The following TGFBR2 variants were observed in gnomAD, a reference collection of about 807,000 sequenced individuals.
TGFBR2 encodes the protein TGF-beta receptor type-2.
A neutral mutation model predicts 49.0 loss-of-function variants in TGFBR2; 18 were observed. The ratio of observed to expected loss-of-function variants is 0.37; its 90% confidence interval spans 0.25 to 0.54. The LOEUF (loss-of-function observed/expected upper bound fraction) is 0.54. Among genes scored for constraint, TGFBR2 ranks in the 20% least tolerant of loss-of-function variants. The pLI is 0.85. For missense variants in TGFBR2, 525 were observed against 722.6 expected (o/e 0.73, Z 3.13); for synonymous variants, 282 against 275.9 (o/e 1.02, Z -0.22).
intron 1 of TGFBR2, among the ~76,000 whole-genome samples, chr3:30,619,370 G>A (rs1698188234): frequency 6.6e-6 from 1 of 152,122 alleles, no homozygotes; most frequent in African/African-American, 2.4e-5. Context: ...CCCCCAGATG[G>A]CATTTTGAAT....
intron 3 of TGFBR2, among the ~76,000 whole-genome samples, chr3:30,666,144 C>A (rs2125427587): frequency 6.6e-6 from 1 of 152,258 alleles, no homozygotes; most frequent in East Asian, 1.9e-4. Context: ...ACCCACTGAA[C>A]TCTATTTATG....
intron 1 of TGFBR2, among the ~76,000 whole-genome samples, chr3:30,622,658 G>A (rs1009651834): frequency 6.6e-6 from 1 of 152,038 alleles, no homozygotes; most frequent in Non-Finnish European, 1.5e-5. Flanking sequence ...GAGGCAGGCG[G>A]ATCACGAGGT....
At chr3:30,660,761 T>C (rs778478185) in intron 3 of TGFBR2, among the ~76,000 whole-genome samples, 40 of 152,376 alleles carry the variant, frequency 2.6e-4, no homozygotes, top group Non-Finnish European at 5.1e-4. Context: ...AATAGGCATC[T>C]TAGCTTTTAA....
At chr3:30,657,385 G>A (rs780222502) in intron 3 of TGFBR2, among the ~76,000 whole-genome samples, 3 of 152,134 alleles carry the variant, frequency 2.0e-5, no homozygotes, top group Non-Finnish European at 2.9e-5. Flanking sequence ...GTGTATAAAC[G>A]ATGGCCAGTA....
Position 30,692,676 on chromosome 3 carries a change from C to T in TGFBR2, c.*1077C>T, listed in dbSNP as rs1168533588. 4.3e-6 allele frequency: 1 copy of T among 233,122 alleles called. No homozygotes were observed. The highest frequency in any genetic ancestry group is 8.5e-6 in the Non-Finnish European group (1 of 117,952). The allele number at this position is 233,122 out of a possible 1,614,324, so 14.4% of individuals were successfully genotyped here. On this transcript the variant is annotated 3_prime_UTR_variant, in exon 7 of 7. Coordinates refer to ENST00000295754, the MANE Select transcript of TGFBR2 (RefSeq NM_003242.6). ...CCATCTTTCTGGGCTCCTGATTGCT[C>T]AAGCACAGTTTGGCCTGATGAAGAG...
At chr3:30,623,177 A>G in intron 1 of TGFBR2, 1 of 1,296,046 alleles carries the variant, frequency 7.7e-7, no homozygotes, top group Non-Finnish European at 1.1e-6. Flanking sequence ...TCTGAGATGG[A>G]TATAATTATC....
At chr3:30,685,592 G>A (rs73054847) in intron 5 of TGFBR2, among the ~76,000 whole-genome samples, 18,708 of 152,264 alleles carry the variant, frequency 0.12, 1,295 homozygotes, top group East Asian at 0.32. Flanking sequence ...GCTCTGGAGA[G>A]TGTGAATTGC....
rs542999274 is a variant in TGFBR2, at chr3:30,678,140, C to G, written c.1396+3894C>G. Among the ~76,000 whole-genome samples the G allele has an allele frequency of 2.0e-5, 3 of 152,262 alleles. No homozygotes were observed. In the South Asian group the frequency reaches 6.2e-4, roughly 32 times the overall value. On this transcript the variant is annotated intron_variant, in intron 5 of 6. Coordinates refer to ENST00000295754, the MANE Select transcript of TGFBR2 (RefSeq NM_003242.6). ...TCTCCAGAGTCATCTTCTCTGTAGG[C>G]TCTGAGTCTGTGTGCTTGTGGGATC...
chr3:30,627,362 C>T (rs1176899601), intron 1 of TGFBR2, among the ~76,000 whole-genome samples: 2 of 152,070 alleles, frequency 1.3e-5, no homozygotes, highest in Non-Finnish European at 2.9e-5. Context: ...ACTCAAGTTT[C>T]AATTGAGCTG....
rs570746611 is a variant in TGFBR2, at chr3:30,617,023, T to C, written c.94+10046T>C. On this transcript the variant is annotated intron_variant, in intron 1 of 6. Coordinates refer to ENST00000295754, the MANE Select transcript of TGFBR2 (RefSeq NM_003242.6). Reference sequence around the variant, plus strand: ...AAATTTTTCCTAAGGTAGAAAGTTATGAAATGCTTTGCTATGCCTAGGAGA... The same window carrying C: ...AAATTTTTCCTAAGGTAGAAAGTTACGAAATGCTTTGCTATGCCTAGGAGA... Among the ~76,000 whole-genome samples the C allele has an allele frequency of 3.4e-4, 52 of 152,210 alleles. No homozygotes were observed. The South Asian group carries it at 0.011, about 31-fold the overall frequency.
At chr3:30,651,368 A>G (rs74657695) in intron 3 of TGFBR2, among the ~76,000 whole-genome samples, 8 of 151,780 alleles carry the variant, frequency 5.3e-5, no homozygotes, top group East Asian at 1.9e-4. Context: ...CTCTCTCCCA[A>G]TCTCTCCCTG....
chr3:30,643,040 C>T (rs893039425), intron 1 of TGFBR2, among the ~76,000 whole-genome samples: 2 of 152,008 alleles, frequency 1.3e-5, no homozygotes, highest in South Asian at 2.1e-4. Flanking sequence ...AATTTATATA[C>T]GTTTATATTT....
intron 1 of TGFBR2, among the ~76,000 whole-genome samples, chr3:30,618,298 C>T (rs966494622): frequency 3.4e-5 from 5 of 148,444 alleles, no homozygotes; most frequent in African/African-American, 5.0e-5. Context: ...GGCGCAATCT[C>T]GGCTCGCTGC....
At chr3:30,639,608 A>T (rs1575141477) in intron 1 of TGFBR2, among the ~76,000 whole-genome samples, 2 of 152,234 alleles carry the variant, frequency 1.3e-5, no homozygotes, top group East Asian at 3.9e-4. Context: ...ACTCTAAAAC[A>T]GTAAATTCTA....
intron 1 of TGFBR2, among the ~76,000 whole-genome samples, chr3:30,621,091 T>G (rs1398807452): frequency 6.6e-6 from 1 of 152,096 alleles, no homozygotes; most frequent in Non-Finnish European, 1.5e-5. Flanking sequence ...AGTAGTGTTC[T>G]CTTGTGCAAG....
chr3:30,662,748 G>C (rs1486564726), intron 3 of TGFBR2, among the ~76,000 whole-genome samples: 1 of 152,026 alleles, frequency 6.6e-6, no homozygotes, highest in African/African-American at 2.4e-5. Context: ...AATTATCATG[G>C]GCCATTTTCT....
intron 2 of TGFBR2, among the ~76,000 whole-genome samples, chr3:30,647,634 GC>G (rs1698769222): frequency 6.6e-6 from 1 of 151,746 alleles, no homozygotes; most frequent in Non-Finnish European, 1.5e-5. Context: ...AAATGCTTAA[GC>G]TGCCTCCAAG....
rs1553627538 is a variant in TGFBR2, at chr3:30,648,460, A to ACACACACACACACACACACACACC, written c.264-1808_264-1807insCACACACACACACACACACACCCA. Among the ~76,000 whole-genome samples, 318 of 142,472 alleles carry ACACACACACACACACACACACACC rather than the reference A, an allele frequency of 2.2e-3. 7 individuals carry two copies. Among genetic ancestry groups the ACACACACACACACACACACACACC allele is most frequent in the Admixed American group, 5.9e-3 (84 of 14,216 alleles). The allele number at this position is 142,472 out of a possible 152,430, so 93.5% of individuals were successfully genotyped here. A position where few individuals can be genotyped will look rare whatever the true frequency, so the allele number is the denominator to read the frequency against. On this transcript the variant is annotated intron_variant, in intron 2 of 6. Transcript: ENST00000295754. ...CACACACACACACACACACACACAC[A>ACACACACACACACACACACACACC]CAAAACTGTGGGGGCAGGGAGGAAG...
At chr3:30,633,139 T>C (rs567524906) in intron 1 of TGFBR2, among the ~76,000 whole-genome samples, 64 of 152,332 alleles carry the variant, frequency 4.2e-4, no homozygotes, top group African/African-American at 1.5e-3. Context: ...TGTGTCACCA[T>C]TGGCTTTGTC....
Sources: allele counts gnomAD v4.1 joint callset (sites outside exome capture counted in the v4.1 genomes callset), GRCh38; gene constraint gnomAD v4.1.1; transcripts MANE v1.5; gene names NCBI Gene and HGNC (gene_info 2026-07-23, HGNC 2026-07-21).